The following ADAMTS2 variants were observed in gnomAD, a reference collection of about 807,000 sequenced individuals.
The protein encoded by ADAMTS2 is A disintegrin and metalloproteinase with thrombospondin motifs 2.
ADAMTS2 carries 50 observed loss-of-function variants against 123.0 expected under a neutral mutation model. That is an observed-to-expected ratio of 0.41 (90% confidence interval 0.32 to 0.51). The LOEUF (loss-of-function observed/expected upper bound fraction) is 0.51, where lower values mean the gene tolerates loss of function less well. Ranked by LOEUF, ADAMTS2 falls within the 20% of genes least tolerant of loss-of-function variation. ADAMTS2 has a pLI of 0.35. For missense variants in ADAMTS2, 1,494 were observed against 1,705.2 expected (o/e 0.88, Z 2.18); for synonymous variants, 678 against 695.4 (o/e 0.98, Z 0.39).
chr5:179,302,487 T>C (rs548456564), intron 2 of ADAMTS2, among the ~76,000 whole-genome samples: 1 of 140,902 alleles, frequency 7.1e-6, no homozygotes, highest in African/African-American at 2.7e-5. Context: ...CTCCTGGGGG[T>C]CCTCTGGACC....
intron 2 of ADAMTS2, 84 bp from the exon 3 acceptor site, chr5:179,273,148 T>C (rs1326975098): frequency 4.4e-6 from 7 of 1,592,132 alleles, no homozygotes; most frequent in Non-Finnish European, 5.1e-6. Context: ...CCTCAGGGAG[T>C]ACCTCCCACC....
In ADAMTS2 at chr5:179,262,381, G is replaced by A. The variant is rs944064784; in HGVS notation, c.688+10530C>T. Among the ~76,000 whole-genome samples, 18 of 151,706 alleles carry A rather than the reference G, an allele frequency of 1.2e-4. No homozygotes were observed. The highest frequency in any genetic ancestry group is 3.9e-4 in the African/African-American group (16 of 41,358). On this transcript the variant is annotated intron_variant, in intron 3 of 21. Transcript: ENST00000251582. The surrounding 1 kb of genome is among the most constrained non-coding windows in gnomAD (Gnocchi z 5.9). ...ACTGCCTCCACCGCCATCTGTCACC[G>A]GGACTCCTCCCTGCTTCCACACCGT...
At position 179,153,587 on chromosome 5, in the gene ADAMTS2, G is replaced by A. The variant is rs758260638; in HGVS notation, c.1419C>T (p.His473=). The part of the protein sequence containing the change: ...YDCLLDDPFA[H]DWPALPQLPG... Reference sequence around the variant, plus strand: ...GGAGCTGGGGCAGCGCCGGCCAGTCGTGGGCGAAGGGGTCATCCAGCAGGC... The same window carrying A: ...GGAGCTGGGGCAGCGCCGGCCAGTCATGGGCGAAGGGGTCATCCAGCAGGC... The change falls in exon 9 of 22, where the codon CAC becomes CAT. Residue 473 remains histidine (H), a synonymous_variant. Transcript: ENST00000251582. The A allele has an allele frequency of 5.5e-5, 88 of 1,607,358 alleles. No individual in the cohort carries two copies. In the South Asian group the frequency reaches 7.7e-4, roughly 14 times the overall value.
intron 10 of ADAMTS2, among the ~76,000 whole-genome samples, chr5:179,145,854 T>G (rs1763241828): frequency 6.6e-6 from 1 of 152,184 alleles, no homozygotes; most frequent in African/African-American, 2.4e-5. Context: ...TCTCTTTTAC[T>G]TATTTATTTA....
At position 179,317,967 on chromosome 5, in the gene ADAMTS2, G is replaced by A. The variant is rs1267882465; in HGVS notation, c.534+25800C>T. ...GGGCTGGGGTGGAGCCGGGACATGAGGAACGGGCAGTGATGAATCTGAAGC... is the reference window on the plus strand; with the variant it reads ...GGGCTGGGGTGGAGCCGGGACATGAAGAACGGGCAGTGATGAATCTGAAGC... On this transcript the variant is annotated intron_variant, in intron 2 of 21. Transcript: ENST00000251582. This position sits in a 1 kb window ranked among gnomAD's most constrained non-coding sequence, Gnocchi z 4.9. Among the ~76,000 whole-genome samples the A allele has an allele frequency of 6.6e-6, 1 of 152,184 alleles. No homozygotes were observed. The highest frequency in any genetic ancestry group is 1.5e-5 in the Non-Finnish European group (1 of 68,028).
intron 3 of ADAMTS2, among the ~76,000 whole-genome samples, chr5:179,267,623 C>T (rs1766410000): frequency 6.6e-6 from 1 of 152,244 alleles, no homozygotes; most frequent in African/African-American, 2.4e-5. Context: ...CAGAGGAGGG[C>T]AGAAGATGCT....
Position 179,128,429 on chromosome 5 carries a change from G to A in ADAMTS2, c.2458-311C>T, listed in dbSNP as rs543344135. 1.1e-4 allele frequency among the ~76,000 whole-genome samples: 16 copies of A among 152,288 alleles called. No individual in the cohort carries two copies. The highest frequency in any genetic ancestry group is 3.4e-4 in the African/African-American group (14 of 41,556). On this transcript the variant is annotated intron_variant, in intron 16 of 21. Transcript: ENST00000251582. The surrounding 1 kb of genome is among the most constrained non-coding windows in gnomAD (Gnocchi z 4.9). Reference sequence around the variant, plus strand: ...GTTTTTGAGATGGAGTTTCGCTCTTGTAGCCCAGGCTGGAGTGTAGTGGCA... The same window carrying A: ...GTTTTTGAGATGGAGTTTCGCTCTTATAGCCCAGGCTGGAGTGTAGTGGCA...
intron 3 of ADAMTS2, among the ~76,000 whole-genome samples, chr5:179,215,849 G>A (rs557408407): frequency 7.9e-5 from 12 of 152,296 alleles, no homozygotes; most frequent in Admixed American, 3.3e-4. Context: ...CTCAAAAGCA[G>A]CATTCGATGC....
chr5:179,141,752 C>A lies in ADAMTS2; in HGVS notation c.1630-1717G>T, dbSNP rs540482704. Among the ~76,000 whole-genome samples the A allele has an allele frequency of 2.6e-5, 4 of 152,282 alleles. No homozygotes were observed. The East Asian group carries it at 7.7e-4, about 29-fold the overall frequency. On this transcript the variant is annotated intron_variant, in intron 10 of 21. Transcript: ENST00000251582. Reference sequence around the variant, plus strand: ...CAGTTTCATACTGAGAAACCCAGGCCACTGGTGTCATCCCTCTCAACTCTG... The same window carrying A: ...CAGTTTCATACTGAGAAACCCAGGCAACTGGTGTCATCCCTCTCAACTCTG...
In ADAMTS2 at chr5:179,170,964, C is replaced by G. The variant is rs1763803663; in HGVS notation, c.975+10108G>C. On this transcript the variant is annotated intron_variant, in intron 5 of 21. Coordinates refer to ENST00000251582, the MANE Select transcript of ADAMTS2 (RefSeq NM_014244.5). The surrounding 1 kb of genome is among the most constrained non-coding windows in gnomAD (Gnocchi z 4.3). ...GTGCTATGCAAAGTGAAGTCTGTGC[C>G]TGGTGGACACAAACTGTTCCAGTCC... 1.3e-5 allele frequency among the ~76,000 whole-genome samples: 2 copies of G among 152,212 alleles called. No individual in the cohort carries two copies. Among genetic ancestry groups the G allele is most frequent in the Admixed American group, 6.5e-5 (1 of 15,294 alleles).
At chr5:179,264,506 C>T (rs1279089639) in intron 3 of ADAMTS2, among the ~76,000 whole-genome samples, 1 of 152,230 alleles carries the variant, frequency 6.6e-6, no homozygotes, top group Non-Finnish European at 1.5e-5. Context: ...GCTGATCAAA[C>T]GCCAGATGCC....
chr5:179,286,426 C>T (rs1756023399), intron 2 of ADAMTS2, among the ~76,000 whole-genome samples: 1 of 151,286 alleles, frequency 6.6e-6, no homozygotes, highest in African/African-American at 2.4e-5. Flanking sequence ...GAGACAGAGC[C>T]GGCACGGTGG....
In ADAMTS2 at chr5:179,317,877, C is replaced by G. The variant is rs1279628405; in HGVS notation, c.534+25890G>C. On this transcript the variant is annotated intron_variant, in intron 2 of 21. Transcript: ENST00000251582. The surrounding 1 kb of genome is among the most constrained non-coding windows in gnomAD (Gnocchi z 4.9). ...AGTGAGGGAGGGAGGCAGGTGTAGA[C>G]TGGGCCAGGGAAAGGTTCTGGAAAC... Among the ~76,000 whole-genome samples, 1 of 152,098 alleles carries G rather than the reference C, an allele frequency of 6.6e-6. No individual in the cohort carries two copies. The highest frequency in any genetic ancestry group is 1.5e-5 in the Non-Finnish European group (1 of 67,996).
rs1329481917 is a variant in ADAMTS2, at chr5:179,188,837, C to T, written c.892-7682G>A. Among the ~76,000 whole-genome samples the T allele has an allele frequency of 1.3e-5, 2 of 152,134 alleles. No homozygotes were observed. The highest frequency in any genetic ancestry group is 6.6e-5 in the Admixed American group (1 of 15,266). ...CAGGCCAGCTCATCAATGCACAGAGCCCAGCAGGGTCTCAAGAGATGTGCT... is the reference window on the plus strand; with the variant it reads ...CAGGCCAGCTCATCAATGCACAGAGTCCAGCAGGGTCTCAAGAGATGTGCT... On this transcript the variant is annotated intron_variant, in intron 4 of 21. Coordinates refer to ENST00000251582, the MANE Select transcript of ADAMTS2 (RefSeq NM_014244.5). The surrounding 1 kb of genome is among the most constrained non-coding windows in gnomAD (Gnocchi z 5.1).
intron 2 of ADAMTS2, among the ~76,000 whole-genome samples, chr5:179,326,863 AGGAGAG>A (rs369135976): frequency 6.8e-4 from 103 of 152,144 alleles, no homozygotes; most frequent in South Asian, 4.2e-3. Context: ...AGTCATGGGA[AGGAGAG>A]GGAGAGGGAG....
In ADAMTS2 at chr5:179,181,114, G is replaced by C; in HGVS notation, c.933C>G (p.Ile311Met). Residue 311 changes from isoleucine to methionine, a missense_variant, in exon 5 of 22, where the codon ATC (isoleucine) becomes ATG (methionine). Ile to Met is a conservative substitution (Grantham distance 10). Coordinates refer to ENST00000251582, the MANE Select transcript of ADAMTS2 (RefSeq NM_014244.5). The surrounding 1 kb of genome is among the most constrained non-coding windows in gnomAD (Gnocchi z 4.1). The stretch of plus-strand genomic sequence containing the variant: ...GGATGATCCGCACCAGGACCACGTT[G>C]ATGTGGGCACCCAAGGACTCGTCAT... ...IYHDESLGAHINVVLVRIILL... is the reference protein window; with the variant it reads ...IYHDESLGAHMNVVLVRIILL... 6.2e-7 allele frequency: 1 copy of C among 1,613,998 alleles called. No individual in the cohort carries two copies. The highest frequency in any genetic ancestry group is 8.5e-7 in the Non-Finnish European group (1 of 1,179,986).
chr5:179,265,658 C>T (rs558286350), intron 3 of ADAMTS2, among the ~76,000 whole-genome samples: 81 of 152,206 alleles, frequency 5.3e-4, no homozygotes, highest in Non-Finnish European at 9.8e-4. Flanking sequence ...ACTCCAGCCT[C>T]GGAGAATGTG....
intron 17 of ADAMTS2, among the ~76,000 whole-genome samples, chr5:179,126,940 G>A (rs909927923): frequency 1.3e-5 from 2 of 152,230 alleles, no homozygotes; most frequent in African/African-American, 2.4e-5. Context: ...GGCGTGGCCA[G>A]GACCTGGGGG....
In ADAMTS2 at chr5:179,338,807, T is replaced by G. The variant is rs1313416932; in HGVS notation, c.534+4960A>C. On this transcript the variant is annotated intron_variant, in intron 2 of 21. Transcript: ENST00000251582. ...GAGAAGGGTTGTCGGGGAGAGACCA[T>G]GGGGCAGTGGGGGGTACAAGAGCAG... Among the ~76,000 whole-genome samples the G allele has an allele frequency of 5.3e-5, 8 of 151,644 alleles. No homozygotes were observed. The South Asian group carries it at 1.0e-3, about 20-fold the overall frequency.
Sources: allele counts gnomAD v4.1 joint callset (sites outside exome capture counted in the v4.1 genomes callset), GRCh38; gene constraint gnomAD v4.1.1; non-coding constraint Gnocchi (gnomAD v3.1); transcripts MANE v1.5; gene names NCBI Gene and HGNC (gene_info 2026-07-23, HGNC 2026-07-21).